The following ESF1 variants were observed in gnomAD, a reference collection of about 807,000 sequenced individuals.
The protein encoded by ESF1 is ESF1 homolog.
Under a neutral mutation model 92.0 loss-of-function variants are expected in ESF1, and 58 were observed. The ratio of observed to expected loss-of-function variants is 0.63; its 90% CI spans 0.51 to 0.78. ESF1 has a LOEUF of 0.78. Among genes scored for constraint, ESF1 ranks in the 30% least tolerant of loss-of-function variants. ESF1 has a pLI of 0.00. For missense variants in ESF1, 922 were observed against 989.1 expected, an observed-to-expected ratio of 0.93 and a Z score of 0.91; for synonymous variants, 321 against 313.7, an observed-to-expected ratio of 1.02 and a Z score of -0.24.
At chr20:13,748,156 T>C (rs1978365170) in intron 9 of ESF1, among the ~76,000 whole-genome samples, 2 of 152,204 alleles carry the variant, frequency 1.3e-5, no homozygotes, top group Admixed American at 1.3e-4. Flanking sequence ...GCTTGCCTTA[T>C]AAAGCTCTAT....
intron 3 of ESF1, among the ~76,000 whole-genome samples, 185 bp downstream of exon 3, chr20:13,775,688 C>T (rs1198059591): frequency 6.6e-6 from 1 of 152,006 alleles, no homozygotes; most frequent in Non-Finnish European, 1.5e-5. Context: ...TTATGTAGAG[C>T]CTCTTCTTAT....
chr20:13,744,600 C>A (rs2050036069), intron 9 of ESF1, among the ~76,000 whole-genome samples: 1 of 152,208 alleles, frequency 6.6e-6, no homozygotes, highest in Non-Finnish European at 1.5e-5. Context: ...TGTGTTCCAG[C>A]CACACTGGCC....
chr20:13,724,933 T>A (rs759731476), intron 11 of ESF1, among the ~76,000 whole-genome samples: 2 of 152,188 alleles, frequency 1.3e-5, no homozygotes, highest in Non-Finnish European at 2.9e-5. Flanking sequence ...GCTGGTTCTC[T>A]CTTTCTCTGC....
At chr20:13,771,984 G>C (rs1475792067) in intron 5 of ESF1, among the ~76,000 whole-genome samples, 1 of 141,874 alleles carries the variant, frequency 7.0e-6, no homozygotes. Context: ...GTCTTCATCT[G>C]CTCTCTCCTG....
At chr20:13,733,272 T>C (rs1391107820) in intron 10 of ESF1, among the ~76,000 whole-genome samples, 1 of 152,122 alleles carries the variant, frequency 6.6e-6, no homozygotes, top group African/African-American at 2.4e-5. Flanking sequence ...AGGTGACAGA[T>C]GAGCCATAAG....
chr20:13,773,549 C>T (rs1216727892), intron 4 of ESF1, among the ~76,000 whole-genome samples: 6 of 151,998 alleles, frequency 3.9e-5, no homozygotes. Flanking sequence ...GAACCAAGTT[C>T]TCTATCCAAT....
intron 9 of ESF1, among the ~76,000 whole-genome samples, chr20:13,745,988 A>T (rs151018280): frequency 5.3e-5 from 8 of 152,220 alleles, no homozygotes; most frequent in African/African-American, 1.9e-4. Flanking sequence ...TTTGACACAG[A>T]GTCTCGCTCT....
Position 13,782,550 on chromosome 20 carries a change from T to C in ESF1, c.591A>G (p.Lys197=). 10 of 1,565,390 alleles carry C rather than the reference T, an allele frequency of 6.4e-6. No homozygotes were observed. The highest frequency in any genetic ancestry group is 8.6e-6 in the Non-Finnish European group (10 of 1,166,096). The change falls in exon 2 of 14, where the codon AAA becomes AAG. Residue 197 remains lysine, a synonymous_variant. Coordinates refer to ENST00000617257, the MANE Select transcript of ESF1 (RefSeq NM_001276380.2). ...TCTTAGAACACTCGATTCTGGGAGATTTCACAATTTCAGAGGTGCCTGAGT... is the reference window on the plus strand; with the variant it reads ...TCTTAGAACACTCGATTCTGGGAGACTTCACAATTTCAGAGGTGCCTGAGT... ...TLDSGTSEIV[K]SPRIECSKTR...
intron 9 of ESF1, among the ~76,000 whole-genome samples, chr20:13,751,305 T>G (rs1004487674): frequency 3.3e-5 from 5 of 152,292 alleles, no homozygotes; most frequent in Middle Eastern, 3.4e-3. Flanking sequence ...GACCAAAGAA[T>G]TCACAACTTC....
At chr20:13,719,581 G>GA (rs77922384) in intron 11 of ESF1, among the ~76,000 whole-genome samples, 47,133 of 151,648 alleles carry the variant, frequency 0.31, 7,770 homozygotes, top group Non-Finnish European at 0.37. Flanking sequence ...TTTCATTCTG[G>GA]AAAAAAAGAT....
chr20:13,783,777 G>A (rs1980412948), intron 1 of ESF1, among the ~76,000 whole-genome samples: 1 of 152,134 alleles, frequency 6.6e-6, no homozygotes, highest in African/African-American at 2.4e-5. Flanking sequence ...CGGCACTACA[G>A]CACACCAGCT....
At chr20:13,778,426 G>A (rs1025783382) in intron 2 of ESF1, among the ~76,000 whole-genome samples, 5 of 151,122 alleles carry the variant, frequency 3.3e-5, no homozygotes, top group Non-Finnish European at 7.4e-5. Flanking sequence ...TTTCTCAACT[G>A]TCAGTCATTA....
At chr20:13,727,408 AT>A (rs1388366273) in intron 11 of ESF1, among the ~76,000 whole-genome samples, 2 of 152,210 alleles carry the variant, frequency 1.3e-5, no homozygotes, top group African/African-American at 4.8e-5. Context: ...TCAGGAAGTA[AT>A]TTTGAGCAAT....
Position 13,736,368 on chromosome 20 carries a change from T to C in ESF1, c.1829-2526A>G, listed in dbSNP as rs555832352. ...TGTTCTAGACAATCATTAAAAATCA[T>C]TTCTAAAAAAAAGGGCTATGTCAAT... On this transcript the variant is annotated intron_variant, in intron 9 of 13. Coordinates refer to ENST00000617257, the MANE Select transcript of ESF1 (RefSeq NM_001276380.2). Among the ~76,000 whole-genome samples the C allele has an allele frequency of 7.2e-5, 11 of 152,244 alleles. No homozygotes were observed. The South Asian group carries it at 2.3e-3, about 32-fold the overall frequency.
Position 13,759,743 on chromosome 20 carries a change from C to T in ESF1, c.1777G>A (p.Glu593Lys). 6.4e-7 allele frequency: 1 copy of T among 1,567,950 alleles called. No homozygotes were observed. The highest frequency in any genetic ancestry group is 8.6e-7 in the Non-Finnish European group (1 of 1,167,008). Reference sequence around the variant, plus strand: ...ATATCATTTTCTTTGCCTTTCTTTTCTTTTTCTTGAATAACCTGCAAGAGC... The same window carrying T: ...ATATCATTTTCTTTGCCTTTCTTTTTTTTTTCTTGAATAACCTGCAAGAGC... ...RQLLQVIQEK[E>K]KKGKENDMEM... The change falls in exon 9 of 14, where the codon GAA (glutamate) becomes AAA (lysine). Residue 593 changes from glutamate to lysine, a missense_variant. Glu to Lys is a moderately conservative substitution (Grantham distance 56). Coordinates refer to ENST00000617257, the MANE Select transcript of ESF1 (RefSeq NM_001276380.2).
chr20:13,753,401 C>T (rs1444000488), intron 9 of ESF1, among the ~76,000 whole-genome samples: 4 of 150,112 alleles, frequency 2.7e-5, no homozygotes, highest in East Asian at 3.9e-4. Context: ...GGCCCTCCTC[C>T]CCAGTGCCTC....
intron 9 of ESF1, among the ~76,000 whole-genome samples, chr20:13,747,683 A>G (rs1187260908): frequency 6.7e-6 from 1 of 149,300 alleles, no homozygotes; most frequent in East Asian, 2.0e-4. Context: ...GTCACATGTC[A>G]GCTAATGATG....
intron 11 of ESF1, among the ~76,000 whole-genome samples, chr20:13,724,106 C>A (rs1233417684): frequency 6.6e-6 from 1 of 152,086 alleles, no homozygotes; most frequent in Admixed American, 6.5e-5. Flanking sequence ...ACCAGCCTGG[C>A]CAACATGGTG....
At chr20:13,778,659 T>C (rs868036738) in intron 2 of ESF1, among the ~76,000 whole-genome samples, 1 of 152,164 alleles carries the variant, frequency 6.6e-6, no homozygotes, top group Non-Finnish European at 1.5e-5. Flanking sequence ...CTTTGGGTTA[T>C]ATAATAATAA....
Sources: allele counts gnomAD v4.1 joint callset (sites outside exome capture counted in the v4.1 genomes callset), GRCh38; gene constraint gnomAD v4.1.1; transcripts MANE v1.5; gene names NCBI Gene and HGNC (gene_info 2026-07-23, HGNC 2026-07-21).